IFNLR1: variants seen among roughly 807,000 people sequenced by gnomAD.
IFNLR1 encodes interferon lambda receptor 1, also known as CRF2-12.
In IFNLR1, 28 loss-of-function variants were observed where a neutral mutation model predicts 52.5. The ratio of observed to expected loss-of-function variants is 0.53; its 90% CI spans 0.40 to 0.73. IFNLR1 has a LOEUF of 0.73. Among genes scored for constraint, IFNLR1 ranks in the 30% least tolerant of loss-of-function variants. The pLI, the probability that IFNLR1 is intolerant of heterozygous loss-of-function variation, is 0.00. For synonymous variants in IFNLR1, 276 were observed against 274.9 expected (o/e 1.00, Z -0.04); for missense variants, 623 against 659.1 (o/e 0.95, Z 0.60).
intron 6 of IFNLR1, among the ~76,000 whole-genome samples, chr1:24,158,092 G>C (rs1569622559): frequency 6.6e-6 from 1 of 152,186 alleles, no homozygotes; most frequent in Non-Finnish European, 1.5e-5. Context: ...TGACCACTAG[G>C]GCTACTGGCA....
chr1:24,157,106 T>C lies in IFNLR1; in HGVS notation c.*24A>G. 1 of 1,582,210 alleles carries C rather than the reference T, an allele frequency of 6.3e-7. No individual in the cohort carries two copies. The highest frequency in any genetic ancestry group is 8.6e-7 in the Non-Finnish European group (1 of 1,165,482). On this transcript the variant is annotated 3_prime_UTR_variant, in exon 7 of 7. Transcript: ENST00000327535. This position sits in a 1 kb window ranked among gnomAD's most constrained non-coding sequence, Gnocchi z 5.1. ...TTGCAAAGGCAGCAGCAGCATCAGA[T>C]TCGGTGGGATGTCGGGGGACAGCTC...
At chr1:24,168,650 G>A (rs1403668027) in intron 3 of IFNLR1, among the ~76,000 whole-genome samples, 1 of 151,650 alleles carries the variant, frequency 6.6e-6, no homozygotes, top group Non-Finnish European at 1.5e-5. Flanking sequence ...AGTAAGCATG[G>A]GACATTTTTT....
chr1:24,181,615 C>G lies in IFNLR1; in HGVS notation c.59-761G>C, dbSNP rs1644691492. Among the ~76,000 whole-genome samples the G allele has an allele frequency of 2.0e-5, 3 of 152,212 alleles. 1 individual carries two copies. In the South Asian group the frequency reaches 6.2e-4, roughly 32 times the overall value. On this transcript the variant is annotated intron_variant, in intron 1 of 6. Transcript: ENST00000327535. ...GGATGACCCTCCCTACTCATTGCAC[C>G]TTCCCTGCTCAGGATCTGTAAGTAA...
Position 24,180,758 on chromosome 1 carries a change from TCCTGGGGGTTGCCAAGC to T in IFNLR1, c.138_154del (p.Leu47CysfsTer14). Reference sequence around the variant, plus strand: ...CTGATAGGCCACAAAATAGGTCACATCCTGGGGGTTGCCAAGCCCTGGGAGCCATGTCAGGTACACGC... The same window carrying T: ...CTGATAGGCCACAAAATAGGTCACATCCTGGGAGCCATGTCAGGTACACGC... On this transcript the variant is annotated frameshift_variant, in exon 2 of 7. Coordinates refer to ENST00000327535, the MANE Select transcript of IFNLR1 (RefSeq NM_170743.4). LOFTEE classifies it high-confidence loss of function. 2.8e-6 allele frequency: 4 copies of T among 1,408,732 alleles called. No individual in the cohort carries two copies. The highest frequency in any genetic ancestry group is 3.8e-6 in the Non-Finnish European group (4 of 1,054,010). 87.3% of individuals were successfully genotyped at this position (1,408,732 alleles called of 1,614,324 possible). A position where few individuals can be genotyped will look rare whatever the true frequency, so the allele number is the denominator to read the frequency against.
chr1:24,180,171 C>A (rs1644674077), intron 2 of IFNLR1, among the ~76,000 whole-genome samples: 1 of 152,080 alleles, frequency 6.6e-6, no homozygotes, highest in Admixed American at 6.5e-5. Context: ...GTGGCATATG[C>A]CTGTAATCCC....
At chr1:24,174,952 C>G (rs1644617520) in intron 2 of IFNLR1, among the ~76,000 whole-genome samples, 1 of 152,006 alleles carries the variant, frequency 6.6e-6, no homozygotes. Context: ...ATCAGAGGTG[C>G]AACTCATAGA....
At chr1:24,168,497 G>A (rs1569660617) in intron 3 of IFNLR1, among the ~76,000 whole-genome samples, 1 of 152,108 alleles carries the variant, frequency 6.6e-6, no homozygotes, top group East Asian at 1.9e-4. Flanking sequence ...CAAGTCCACT[G>A]GTTACTAGCG....
chr1:24,182,292 C>G (rs926666860), intron 1 of IFNLR1, among the ~76,000 whole-genome samples: 3 of 152,076 alleles, frequency 2.0e-5, no homozygotes, highest in African/African-American at 7.3e-5. Context: ...GGCTTGCCAG[C>G]CACTCTGCTA....
rs71575793 is a variant in IFNLR1, at chr1:24,162,734, TTC to T, written c.368-1052_368-1051del. Reference sequence around the variant, plus strand: ...TTCTTTCTTTCTTTCTTTTCTTTCTTTCTTTCTTTCTTTCTTTCTTTCTTTCT... The same window carrying T: ...TTCTTTCTTTCTTTCTTTTCTTTCTTTTTCTTTCTTTCTTTCTTTCTTTCT... On this transcript the variant is annotated intron_variant, in intron 3 of 6. Transcript: ENST00000327535. Among the ~76,000 whole-genome samples the T allele has an allele frequency of 9.6e-3, 168 of 17,510 alleles. 2 individuals are homozygous for T. Among genetic ancestry groups the T allele is most frequent in the African/African-American group, 0.017 (78 of 4,622 alleles). 11.5% of individuals were successfully genotyped at this position (17,510 alleles called of 152,430 possible). A position where few individuals can be genotyped will look rare whatever the true frequency, so the allele number is the denominator to read the frequency against.
At chr1:24,179,831 T>C (rs1193514880) in intron 2 of IFNLR1, among the ~76,000 whole-genome samples, 1 of 152,098 alleles carries the variant, frequency 6.6e-6, no homozygotes, top group Admixed American at 6.5e-5. Flanking sequence ...CCTCACCAAC[T>C]CCAGGTGAAT....
intron 2 of IFNLR1, among the ~76,000 whole-genome samples, chr1:24,179,699 A>G (rs1397563951): frequency 6.6e-6 from 1 of 152,214 alleles, no homozygotes; most frequent in African/African-American, 2.4e-5. Flanking sequence ...GGGAAAACAC[A>G]GAGCCTGCCT....
chr1:24,169,702 G>A lies in IFNLR1; in HGVS notation c.183-101C>T. Reference sequence around the variant, plus strand: ...ATGCTTCCCTCTGTTTGGCTGGACTGACTTTAGGTCCATCCGTCCAGACAG... The same window carrying A: ...ATGCTTCCCTCTGTTTGGCTGGACTAACTTTAGGTCCATCCGTCCAGACAG... On this transcript the variant is annotated intron_variant, in intron 2 of 6. Coordinates refer to ENST00000327535, the MANE Select transcript of IFNLR1 (RefSeq NM_170743.4). 8 of 1,256,890 alleles carry A rather than the reference G, an allele frequency of 6.4e-6. No homozygotes were observed. The South Asian group carries it at 1.1e-4, about 18-fold the overall frequency. 77.9% of individuals were successfully genotyped at this position (1,256,890 alleles called of 1,614,324 possible). A position where few individuals can be genotyped will look rare whatever the true frequency, so the allele number is the denominator to read the frequency against.
rs1644617205 is a variant in IFNLR1, at chr1:24,174,896, G to C, written c.183-5295C>G. ...AAAAAAAAATGAGAAAGCATGTTCT[G>C]GGGAGGACACTAAGGTTGTGGCTAG... On this transcript the variant is annotated intron_variant, in intron 2 of 6. Coordinates refer to ENST00000327535, the MANE Select transcript of IFNLR1 (RefSeq NM_170743.4). 2.6e-5 allele frequency among the ~76,000 whole-genome samples: 4 copies of C among 152,260 alleles called. 1 individual carries two copies. In the South Asian group the frequency reaches 8.3e-4, roughly 32 times the overall value.
At chr1:24,179,679 C>A (rs541813876) in intron 2 of IFNLR1, among the ~76,000 whole-genome samples, 2 of 152,330 alleles carry the variant, frequency 1.3e-5, no homozygotes, top group African/African-American at 4.8e-5. Flanking sequence ...ATCCCCTCAC[C>A]TCTAGAATGG....
intron 3 of IFNLR1, among the ~76,000 whole-genome samples, chr1:24,165,515 G>A (rs986932640): frequency 5.9e-5 from 9 of 152,160 alleles, no homozygotes; most frequent in African/African-American, 1.9e-4. Context: ...CATTCCTACC[G>A]ATAGTCTGTT....
intron 3 of IFNLR1, among the ~76,000 whole-genome samples, chr1:24,168,797 G>A (rs1040134625): frequency 6.6e-6 from 1 of 152,088 alleles, no homozygotes; most frequent in African/African-American, 2.4e-5. Context: ...AGGCTGGAGT[G>A]CAGGGGCGTG....
chr1:24,180,588 T>G, intron 2 of IFNLR1, 143 bp downstream of exon 2: 1 of 751,368 alleles, frequency 1.3e-6, no homozygotes. Context: ...CCTCTCCAAA[T>G]GCCGGCCACA....
intron 4 of IFNLR1, 93 bp from the exon 5 acceptor site, chr1:24,159,726 GTTTTTT>G (rs6143167): frequency 8.5e-4 from 645 of 762,428 alleles, no homozygotes; most frequent in East Asian, 1.1e-3. Flanking sequence ...ATGGTAGGGT[GTTTTTT>G]TTTTGTTTTT....
At chr1:24,184,759 C>T (rs1182654047) in intron 1 of IFNLR1, among the ~76,000 whole-genome samples, 2 of 152,180 alleles carry the variant, frequency 1.3e-5, no homozygotes, top group African/African-American at 4.8e-5. Flanking sequence ...TAACTCACCC[C>T]TGTGATCCCA....
Sources: allele counts gnomAD v4.1 joint callset (sites outside exome capture counted in the v4.1 genomes callset), GRCh38; gene constraint gnomAD v4.1.1; non-coding constraint Gnocchi (gnomAD v3.1); transcripts MANE v1.5; gene names NCBI Gene and HGNC (gene_info 2026-07-23, HGNC 2026-07-21).